ACTR3C: variants seen among roughly 807,000 people sequenced by gnomAD.
ACTR3C encodes actin-related protein 3C.
In ACTR3C, 18 loss-of-function variants were observed where a neutral mutation model predicts 26.3. The ratio of observed to expected loss-of-function variants is 0.68; its 90% CI spans 0.47 to 1.01. The LOEUF (loss-of-function observed/expected upper bound fraction) is 1.01, where lower values mean the gene tolerates loss of function less well. Ranked by LOEUF, ACTR3C falls within the 50% of genes least tolerant of loss-of-function variation. ACTR3C has a pLI of 0.00. For synonymous variants in ACTR3C, 55 were observed against 94.5 expected (o/e 0.58, Z 2.42); for missense variants, 184 against 250.7 (o/e 0.73, Z 1.80).
intron 6 of ACTR3C, among the ~76,000 whole-genome samples, chr7:150,284,517 G>T (rs1167463431): frequency 6.6e-6 from 1 of 152,190 alleles, no homozygotes; most frequent in Non-Finnish European, 1.5e-5. Flanking sequence ...CTGCACTCCA[G>T]CCCGGGTGAC....
At chr7:150,235,198 G>A in the ACTR3C span, among the ~76,000 whole-genome samples, 2 of 152,188 alleles carry the variant, frequency 1.3e-5, no homozygotes, top group Non-Finnish European at 2.9e-5. Flanking sequence ...TATTTTTGAT[G>A]GTAAAATCTG....
chr7:150,081,101 T>C, the ACTR3C span, among the ~76,000 whole-genome samples: 1,410 of 152,210 alleles, frequency 9.3e-3, 7 homozygotes, highest in African/African-American at 0.014. Flanking sequence ...TGATCAGCTA[T>C]TGAAGCTAGT....
chr7:150,228,580 T>C, the ACTR3C span, among the ~76,000 whole-genome samples: 34,708 of 151,822 alleles, frequency 0.23, 6,404 homozygotes, highest in African/African-American at 0.51. Context: ...CTATGCTGAT[T>C]ATTTGATGAT....
the ACTR3C span, among the ~76,000 whole-genome samples, chr7:150,134,688 T>C: frequency 9.4e-4 from 143 of 152,156 alleles, no homozygotes; most frequent in Middle Eastern, 3.4e-3. Context: ...TCGTCTTTGA[T>C]TCCACCCTCT....
At chr7:150,006,398 T>A in the ACTR3C span, among the ~76,000 whole-genome samples, 2 of 147,342 alleles carry the variant, frequency 1.4e-5, no homozygotes, top group East Asian at 2.0e-4. Flanking sequence ...GGGGTTTCAC[T>A]GTGTTAGCCA....
intron 1 of ACTR3C, among the ~76,000 whole-genome samples, chr7:150,311,542 C>T (rs958393027): frequency 3.3e-5 from 5 of 152,224 alleles, no homozygotes; most frequent in African/African-American, 1.2e-4. Flanking sequence ...GAAACCCCAA[C>T]AGTAACTATT....
At chr7:150,292,988 C>A (rs1408070793) in intron 3 of ACTR3C, among the ~76,000 whole-genome samples, 1 of 152,150 alleles carries the variant, frequency 6.6e-6, no homozygotes, top group Non-Finnish European at 1.5e-5. Context: ...GATGTTACAC[C>A]CACGGGGATC....
intron 6 of ACTR3C, among the ~76,000 whole-genome samples, chr7:150,252,186 T>A (rs546315894): frequency 6.6e-6 from 1 of 152,062 alleles, no homozygotes; most frequent in South Asian, 2.1e-4. Context: ...AGAAAATACA[T>A]ACACTAATTC....
the ACTR3C span, among the ~76,000 whole-genome samples, chr7:150,157,085 C>G: frequency 7.0e-6 from 1 of 142,452 alleles, no homozygotes; most frequent in Non-Finnish European, 1.5e-5. Context: ...GGCTTCACAG[C>G]TGTGAGATGA....
At chr7:149,898,706 A>G in the ACTR3C span, among the ~76,000 whole-genome samples, 1 of 151,202 alleles carries the variant, frequency 6.6e-6, no homozygotes, top group African/African-American at 2.4e-5. Context: ...GACTCTGTGT[A>G]AAAAAAAATA....
At chr7:149,949,082 G>A in the ACTR3C span, among the ~76,000 whole-genome samples, 2 of 146,958 alleles carry the variant, frequency 1.4e-5, no homozygotes, top group Non-Finnish European at 2.9e-5. Flanking sequence ...TTGGGAGGCT[G>A]AGGCAGGCGG....
the ACTR3C span, among the ~76,000 whole-genome samples, chr7:149,883,587 A>T: frequency 2.6e-5 from 4 of 152,224 alleles, no homozygotes; most frequent in African/African-American, 7.2e-5. Context: ...AGTATGGCCA[A>T]CAGAGGGCAG....
At chr7:150,181,565 G>A in the ACTR3C span, among the ~76,000 whole-genome samples, 590 of 150,120 alleles carry the variant, frequency 3.9e-3, 15 homozygotes, top group East Asian at 0.052. Context: ...CTGCACTCCA[G>A]CCCAGCCTGG....
chr7:150,097,771 G>A, the ACTR3C span, among the ~76,000 whole-genome samples: 1 of 151,340 alleles, frequency 6.6e-6, no homozygotes, highest in Non-Finnish European at 1.5e-5. Flanking sequence ...AGCAGAGCTG[G>A]GCCACAGGCA....
At chr7:150,139,550 A>G in the ACTR3C span, among the ~76,000 whole-genome samples, 1 of 152,298 alleles carries the variant, frequency 6.6e-6, no homozygotes, top group East Asian at 1.9e-4. Context: ...GTGGCTGGGC[A>G]TCGGCTCCTC....
chr7:150,134,332 G>T, the ACTR3C span, among the ~76,000 whole-genome samples: 61 of 152,116 alleles, frequency 4.0e-4, no homozygotes, highest in Middle Eastern at 3.2e-3. Context: ...GCCAAGGTGG[G>T]AGGTAAAGGG....
At chr7:150,029,409 A>C in the ACTR3C span, among the ~76,000 whole-genome samples, 82 of 99,422 alleles carry the variant, frequency 8.2e-4, 1 homozygote, top group East Asian at 9.5e-3. Context: ...AAAACAAAAA[A>C]AAAAAAAACA....
chr7:149,944,953 G>A, the ACTR3C span, among the ~76,000 whole-genome samples: 936 of 151,778 alleles, frequency 6.2e-3, 11 homozygotes, highest in African/African-American at 0.021. Flanking sequence ...GCAATGTGTC[G>A]TGTGCCAAAC....
intron 6 of ACTR3C, chr7:150,264,849 A>C: frequency 1.0e-6 from 1 of 983,284 alleles, no homozygotes. Context: ...ATCTGGTAGC[A>C]TTACAGGCTT....
Sources: gnomAD v4.1 joint callset for allele counts (sites outside exome capture counted in the v4.1 genomes callset) on GRCh38, gnomAD v4.1.1 for gene constraint, MANE v1.5 for transcripts, NCBI Gene and HGNC (gene_info 2026-07-23, HGNC 2026-07-21) for gene names.